RAD52: variants seen among roughly 807,000 people sequenced by gnomAD.
The protein encoded by RAD52 is DNA repair protein RAD52 homolog.
Under a neutral mutation model 55.5 loss-of-function variants are expected in RAD52, and 47 were observed. The ratio of observed to expected loss-of-function variants is 0.85; its 90% confidence interval spans 0.67 to 1.08. The LOEUF (loss-of-function observed/expected upper bound fraction) is 1.08, where lower values mean the gene tolerates loss of function less well. Among genes scored for constraint, RAD52 ranks in the 50% least tolerant of loss-of-function variants. The probability of loss-of-function intolerance (pLI) is 0.00; values close to 1 mark genes in which losing one functional copy is unlikely to be tolerated. For synonymous variants in RAD52, 184 were observed against 198.9 expected (o/e 0.92, Z 0.63); for missense variants, 468 against 522.8 (o/e 0.90, Z 1.02).
upstream of RAD52, among the ~76,000 whole-genome samples, chr12:953,701 A>T (rs1958566393): frequency 6.6e-6 from 1 of 152,246 alleles, no homozygotes; most frequent in Non-Finnish European, 1.5e-5. Flanking sequence ...GTAATTTGTT[A>T]CAATGGCTTT....
chr12:965,876 A>T (rs772580359), intron 1 of RAD52, among the ~76,000 whole-genome samples: 1 of 151,960 alleles, frequency 6.6e-6, no homozygotes, highest in Non-Finnish European at 1.5e-5. Flanking sequence ...TAGTAGAGAC[A>T]GGGTTTCGCC....
At chr12:922,730 G>A (rs1956805061) in intron 7 of RAD52, among the ~76,000 whole-genome samples, 1 of 152,192 alleles carries the variant, frequency 6.6e-6, no homozygotes, top group Non-Finnish European at 1.5e-5. Context: ...CAGCACTTAA[G>A]GAGGCTGAGT....
intron 6 of RAD52, 128 bp downstream of exon 6, chr12:927,017 A>G: frequency 6.5e-7 from 1 of 1,537,750 alleles, no homozygotes; most frequent in Non-Finnish European, 8.9e-7. Context: ...GGCAGGGGTG[A>G]GAATTACCTT....
intron 1 of RAD52, among the ~76,000 whole-genome samples, chr12:940,272 C>T (rs1321955316): frequency 6.6e-6 from 1 of 151,892 alleles, no homozygotes; most frequent in African/African-American, 2.4e-5. Flanking sequence ...AAAACGCAAG[C>T]CTTCTGGGAA....
chr12:990,372 A>C (rs1959170050), upstream of RAD52: 2 of 152,076 alleles, frequency 1.3e-5, no homozygotes, highest in Non-Finnish European at 2.9e-5. Flanking sequence ...AAAACAAAAA[A>C]CAAAAAACAA....
At chr12:957,712 C>T (rs964164813) in intron 1 of RAD52, among the ~76,000 whole-genome samples, 1 of 152,074 alleles carries the variant, frequency 6.6e-6, no homozygotes, top group African/African-American at 2.4e-5. Context: ...ATCACTTGAG[C>T]CCAGGAGGCG....
intron 1 of RAD52, among the ~76,000 whole-genome samples, chr12:968,781 C>T (rs1958802577): frequency 6.6e-6 from 1 of 152,050 alleles, no homozygotes; most frequent in South Asian, 2.1e-4. Context: ...ACCTGCCCTT[C>T]CCCATAAGAA....
rs1164406137 is a variant in RAD52, at chr12:913,302, C to G, written c.*89G>C. The stretch of plus-strand genomic sequence containing the variant: ...AAGATAAATCGCAATGACGTTCATT[C>G]TCCAGCAGCGATGAACAATTTCATG... On this transcript the variant is annotated 3_prime_UTR_variant, in exon 12 of 12. Coordinates refer to ENST00000358495, the MANE Select transcript of RAD52 (RefSeq NM_134424.4). 4.1e-6 allele frequency: 4 copies of G among 981,970 alleles called. No individual in the cohort carries two copies. Among genetic ancestry groups the G allele is most frequent in the Non-Finnish European group, 6.3e-6 (4 of 633,054 alleles). 60.8% of individuals were successfully genotyped at this position (981,970 alleles called of 1,614,324 possible).
At chr12:986,023 C>T (rs536206536) in intron 1 of RAD52, among the ~76,000 whole-genome samples, 1 of 151,576 alleles carries the variant, frequency 6.6e-6, no homozygotes, top group Admixed American at 6.6e-5. Context: ...CAACCTCTGC[C>T]TCCCAGGTTC....
At chr12:919,516 C>A (rs527349869) in intron 7 of RAD52, among the ~76,000 whole-genome samples, 11 of 151,970 alleles carry the variant, frequency 7.2e-5, no homozygotes, top group Admixed American at 2.0e-4. Flanking sequence ...GAGGCCAAGG[C>A]AGGTGGATTG....
chr12:916,513 C>T, intron 8 of RAD52, 30 bp from the exon 9 acceptor site: 2 of 1,606,170 alleles, frequency 1.2e-6, no homozygotes, highest in Non-Finnish European at 1.7e-6. Flanking sequence ...CGAGGACGGG[C>T]TCCTGAGCAA....
At chr12:934,714 A>G (rs1957522429) in intron 1 of RAD52, among the ~76,000 whole-genome samples, 1 of 152,180 alleles carries the variant, frequency 6.6e-6, no homozygotes, top group African/African-American at 2.4e-5. Flanking sequence ...GCATTCACAT[A>G]TCAAATCATC....
intron 1 of RAD52, among the ~76,000 whole-genome samples, chr12:936,519 G>A (rs542242528): frequency 6.7e-5 from 10 of 150,186 alleles, no homozygotes; most frequent in Middle Eastern, 3.5e-3. Context: ...AAGAGACAGC[G>A]TCTTGCTCTG....
chr12:969,367 G>T (rs1234306112), intron 1 of RAD52, among the ~76,000 whole-genome samples: 1 of 151,978 alleles, frequency 6.6e-6, no homozygotes, highest in Non-Finnish European at 1.5e-5. Context: ...TTATTTAGAT[G>T]AGACTTTGGT....
chr12:941,521 T>A lies in RAD52; in HGVS notation c.-19+8081A>T, dbSNP rs532808226. Among the ~76,000 whole-genome samples the A allele has an allele frequency of 8.5e-5, 13 of 152,298 alleles. No individual in the cohort carries two copies. In the South Asian group the frequency reaches 2.5e-3, roughly 29 times the overall value. On this transcript the variant is annotated intron_variant, in intron 1 of 11. Transcript: ENST00000358495. The stretch of plus-strand genomic sequence containing the variant: ...TTCGTAGAGACAGGGTTTCTCCATG[T>A]TGGTCAGGCTGGTCTCAAACTCCTG...
intron 1 of RAD52, among the ~76,000 whole-genome samples, chr12:934,767 C>T (rs1355864416): frequency 3.3e-5 from 5 of 151,910 alleles, no homozygotes; most frequent in Non-Finnish European, 5.9e-5. Flanking sequence ...TCAGTCATAC[C>T]TCAAAAAAGC....
intron 1 of RAD52, among the ~76,000 whole-genome samples, chr12:983,769 C>T (rs1959051228): frequency 6.6e-6 from 1 of 152,174 alleles, no homozygotes; most frequent in African/African-American, 2.4e-5. Flanking sequence ...ATGTTTGTCA[C>T]TGGTATCTCT....
intron 1 of RAD52, among the ~76,000 whole-genome samples, chr12:987,972 A>G (rs1959107619): frequency 6.6e-6 from 1 of 151,388 alleles, no homozygotes; most frequent in South Asian, 2.1e-4. Flanking sequence ...ACCCAGCCCT[A>G]TTTTCTTTTC....
At chr12:980,391 T>A (rs2154121821) in intron 1 of RAD52, among the ~76,000 whole-genome samples, 1 of 151,560 alleles carries the variant, frequency 6.6e-6, no homozygotes, top group African/African-American at 2.4e-5. Flanking sequence ...CCTCCCGGGT[T>A]CAAGCTATTC....
Sources: gnomAD v4.1 joint callset for allele counts (sites outside exome capture counted in the v4.1 genomes callset) on GRCh38, gnomAD v4.1.1 for gene constraint, MANE v1.5 for transcripts, NCBI Gene and HGNC (gene_info 2026-07-23, HGNC 2026-07-21) for gene names.